The following ADAMTS18 variants were observed in gnomAD, a reference collection of about 807,000 sequenced individuals.
ADAMTS18 encodes the protein A disintegrin and metalloproteinase with thrombospondin motifs 18.
Under a neutral mutation model 165.9 loss-of-function variants are expected in ADAMTS18, and 157 were observed. The observed-to-expected ratio is 0.95, with a 90% confidence interval of 0.83 to 1.08. ADAMTS18 has a LOEUF of 1.08. Among genes scored for constraint, ADAMTS18 ranks in the 50% least tolerant of loss-of-function variants. ADAMTS18 has a pLI of 0.00. For missense variants in ADAMTS18, 2,040 were observed against 1,534.0 expected (o/e 1.33, Z -5.51); for synonymous variants, 782 against 578.2 (o/e 1.35, Z -5.06).
At position 77,283,950 on chromosome 16, in the gene ADAMTS18, C is replaced by T. The variant is rs746738818; in HGVS notation, c.*6G>A. 21 of 1,611,344 alleles carry T rather than the reference C, an allele frequency of 1.3e-5. No homozygotes were observed. The African/African-American group carries it at 2.4e-4, about 18-fold the overall frequency. ...TGGCCCTAAGGTGCTGGGGAGGACACCAAGATCAGATCTTCCTTGTGCATG... is the reference window on the plus strand; with the variant it reads ...TGGCCCTAAGGTGCTGGGGAGGACATCAAGATCAGATCTTCCTTGTGCATG... On this transcript the variant is annotated 3_prime_UTR_variant, in exon 23 of 23. Coordinates refer to ENST00000282849, the MANE Select transcript of ADAMTS18 (RefSeq NM_199355.4).
chr16:77,431,540 C>T lies in ADAMTS18; in HGVS notation c.250G>A (p.Gly84Ser), dbSNP rs748130328. 10 of 1,614,088 alleles carry T rather than the reference C, an allele frequency of 6.2e-6. No homozygotes were observed. The highest frequency in any genetic ancestry group is 4.5e-5 in the East Asian group (2 of 44,874). Residue 84 changes from glycine (G) to serine (S), a missense_variant, in exon 3 of 23, where the codon GGC becomes AGC. Transcript: ENST00000282849. The stretch of plus-strand genomic sequence containing the variant: ...TTCTGCGCCGATCGCTTTTTCCTGC[C>T]GTTGTGCAAAATGTCGTGTGAAATA... ...SYISHDILHNGRKKRSAQNAR... is the reference protein window; with the variant it reads ...SYISHDILHNSRKKRSAQNAR...
chr16:77,294,773 A>T (rs968617606), intron 19 of ADAMTS18, 150 bp downstream of exon 19: 5 of 776,674 alleles, frequency 6.4e-6, no homozygotes, highest in African/African-American at 5.2e-5. Context: ...CCTAAAGAAC[A>T]TTAGTTAAAA....
intron 3 of ADAMTS18, among the ~76,000 whole-genome samples, chr16:77,414,197 G>A (rs956010391): frequency 6.6e-6 from 1 of 152,178 alleles, no homozygotes; most frequent in African/African-American, 2.4e-5. Context: ...ACTACTGTTT[G>A]AAGGACAAAC....
chr16:77,396,787 C>A (rs1349336040), intron 3 of ADAMTS18, among the ~76,000 whole-genome samples: 1 of 151,012 alleles, frequency 6.6e-6, no homozygotes, highest in African/African-American at 2.4e-5. Flanking sequence ...TAAACAAGTG[C>A]CAGTCTTCAT....
At chr16:77,361,372 T>C (rs149631350) in intron 7 of ADAMTS18, among the ~76,000 whole-genome samples, 7 of 152,306 alleles carry the variant, frequency 4.6e-5, no homozygotes, top group Non-Finnish European at 7.4e-5. Flanking sequence ...CAATTCTTGC[T>C]ATCACTGTCT....
chr16:77,292,521 T>C (rs908994605), intron 20 of ADAMTS18, among the ~76,000 whole-genome samples: 4 of 152,212 alleles, frequency 2.6e-5, no homozygotes, highest in Non-Finnish European at 5.9e-5. Flanking sequence ...CTAGAAAGTC[T>C]CTTCTGACAA....
rs1264179702 is a variant in ADAMTS18, at chr16:77,353,764, T to C, written c.1583A>G (p.Lys528Arg). ...DTQCKWQFGAKAKLCSLGFVK... is the reference protein window; with the variant it reads ...DTQCKWQFGARAKLCSLGFVK... ...AAAACCAAGGCTGCATAACTTGGCTTTTGCTCCAAATTGCCATTTACACTG... is the reference window on the plus strand; with the variant it reads ...AAAACCAAGGCTGCATAACTTGGCTCTTGCTCCAAATTGCCATTTACACTG... The change falls in exon 10 of 23, where the codon AAA (lysine) becomes AGA (arginine). Residue 528 changes from lysine (K) to arginine (R), a missense_variant. By Grantham distance (26) the Lys-to-Arg change is conservative. Coordinates refer to ENST00000282849, the MANE Select transcript of ADAMTS18 (RefSeq NM_199355.4). 1.2e-6 allele frequency: 2 copies of C among 1,614,044 alleles called. No individual in the cohort carries two copies. Among genetic ancestry groups the C allele is most frequent in the African/African-American group, 1.3e-5 (1 of 74,926 alleles).
At chr16:77,372,844 A>G (rs2056895840) in intron 3 of ADAMTS18, among the ~76,000 whole-genome samples, 1 of 152,148 alleles carries the variant, frequency 6.6e-6, no homozygotes, top group African/African-American at 2.4e-5. Context: ...GTCCTATCCA[A>G]TAGGGTTTCC....
chr16:77,287,820 C>CTCAT (rs1354009011), intron 22 of ADAMTS18, among the ~76,000 whole-genome samples: 1 of 152,184 alleles, frequency 6.6e-6, no homozygotes, highest in Non-Finnish European at 1.5e-5. Flanking sequence ...TATGACTCCC[C>CTCAT]TCATTCCAGC....
intron 20 of ADAMTS18, among the ~76,000 whole-genome samples, chr16:77,292,734 G>C (rs754878869): frequency 6.6e-6 from 1 of 152,208 alleles, no homozygotes. Context: ...GGAAGTAGCA[G>C]GCATTTGGTA....
In ADAMTS18 at chr16:77,332,426, T is replaced by C. The variant is rs2056204394; in HGVS notation, c.1859+3330A>G. On this transcript the variant is annotated intron_variant, in intron 12 of 22. Transcript: ENST00000282849. Reference sequence around the variant, plus strand: ...CCACACAGATCCCAGAACCTTTTGGTGAATGCCCACTGAATGTTCCCCAGT... The same window carrying C: ...CCACACAGATCCCAGAACCTTTTGGCGAATGCCCACTGAATGTTCCCCAGT... Among the ~76,000 whole-genome samples the C allele has an allele frequency of 1.3e-5, 2 of 152,140 alleles. 1 individual carries two copies. The highest frequency in any genetic ancestry group is 1.3e-4 in the Admixed American group (2 of 15,262).
At chr16:77,379,069 C>T (rs1159584406) in intron 3 of ADAMTS18, 3 of 152,136 alleles carry the variant, frequency 2.0e-5, no homozygotes, top group South Asian at 4.1e-4. Flanking sequence ...CTACCTTGGA[C>T]AGATGATCAA....
chr16:77,357,299 T>C (rs1020171579), intron 8 of ADAMTS18, among the ~76,000 whole-genome samples: 2 of 152,112 alleles, frequency 1.3e-5, no homozygotes, highest in Non-Finnish European at 2.9e-5. Context: ...GTCAGGAAAA[T>C]AGTAGCAGGG....
chr16:77,359,471 G>A, intron 7 of ADAMTS18, 48 bp from the exon 8 acceptor site: 1 of 1,451,612 alleles, frequency 6.9e-7, no homozygotes, highest in Non-Finnish European at 9.6e-7. Flanking sequence ...TGCACACACA[G>A]ATACATGATG....
At chr16:77,381,852 CA>C (rs2057035892) in intron 3 of ADAMTS18, among the ~76,000 whole-genome samples, 1 of 151,954 alleles carries the variant, frequency 6.6e-6, no homozygotes. Context: ...ATTTTCACAC[CA>C]AAAAGTATGA....
At chr16:77,291,560 C>CA in intron 20 of ADAMTS18, 82 bp from the exon 21 acceptor site, 1 of 1,353,470 alleles carries the variant, frequency 7.4e-7, no homozygotes, top group South Asian at 1.2e-5. Context: ...CATAAGGTTG[C>CA]ACCATCCACA....
intron 8 of ADAMTS18, 123 bp downstream of exon 8, chr16:77,359,195 T>C: frequency 2.3e-6 from 2 of 885,210 alleles, no homozygotes; most frequent in Admixed American, 2.0e-5. Context: ...TCAGAAACTA[T>C]TCTAAGCTTT....
rs145624837 is a variant in ADAMTS18 at position 77,327,430 on chromosome 16, T to C, written c.1860-1392A>G. On this transcript the variant is annotated intron_variant, in intron 12 of 22. Coordinates refer to ENST00000282849, the MANE Select transcript of ADAMTS18 (RefSeq NM_199355.4). Reference sequence around the variant, plus strand: ...CCCACATATGAATGAGAACATACAATGTTTGGTTTTCCATTCCTGAGTTTA... The same window carrying C: ...CCCACATATGAATGAGAACATACAACGTTTGGTTTTCCATTCCTGAGTTTA... Among the ~76,000 whole-genome samples the C allele has an allele frequency of 4.2e-3, 634 of 152,290 alleles. 3 individuals carry two copies. The highest frequency in any genetic ancestry group is 0.017 in the Middle Eastern group (5 of 294).
intron 7 of ADAMTS18, 47 bp downstream of exon 7, chr16:77,362,058 G>A (rs763232448): frequency 3.1e-6 from 5 of 1,606,520 alleles, no homozygotes; most frequent in Middle Eastern, 1.7e-4. Context: ...TTTCCATACT[G>A]TGTTTTCAGC....
Sources: allele counts gnomAD v4.1 joint callset (sites outside exome capture counted in the v4.1 genomes callset), GRCh38; gene constraint gnomAD v4.1.1; transcripts MANE v1.5; gene names NCBI Gene and HGNC (gene_info 2026-07-23, HGNC 2026-07-21).